Variants in EMC8 observed in about 807,000 individuals in gnomAD.
EMC8 encodes ER membrane protein complex subunit 8, also known as COX4 neighbor.
A neutral mutation model predicts 24.3 loss-of-function variants in EMC8; 11 were observed. The observed-to-expected ratio is 0.45, with a 90% CI of 0.28 to 0.75. The LOEUF (loss-of-function observed/expected upper bound fraction) is 0.75. Among genes scored for constraint, EMC8 ranks in the 30% least tolerant of loss-of-function variants. The pLI is 0.12. For synonymous variants in EMC8, 145 were observed against 117.7 expected, an observed-to-expected ratio of 1.23 and a Z score of -1.50; for missense variants, 277 against 282.7, an observed-to-expected ratio of 0.98 and a Z score of 0.14.
intron 2 of EMC8, chr16:85,784,329 T>C (rs1211677303): frequency 1.3e-5 from 2 of 152,224 alleles, no homozygotes; most frequent in African/African-American, 4.8e-5. Context: ...TAAAAATACA[T>C]GCATTATTGT....
At position 85,778,950 on chromosome 16, in the gene EMC8, T is replaced by G. The variant is rs942041899; in HGVS notation, c.*758A>C. On this transcript the variant is annotated 3_prime_UTR_variant, in exon 5 of 5. Coordinates refer to ENST00000253457, the MANE Select transcript of EMC8 (RefSeq NM_006067.5). ...TGCACAACTCGGGAAGTCTAAGTCT[T>G]GTTTTTCCTAATACAAAAGAAACGA... 1 of 152,234 alleles carries G rather than the reference T, an allele frequency of 6.6e-6. No homozygotes were observed. The highest frequency in any genetic ancestry group is 1.5e-5 in the Non-Finnish European group (1 of 68,044). The allele number at this position is 152,234 out of a possible 1,614,324, so 9.4% of individuals were successfully genotyped here.
chr16:85,795,459 G>A (rs4843822), intron 1 of EMC8, among the ~76,000 whole-genome samples: 103,319 of 151,990 alleles, frequency 0.68, 36,212 homozygotes, highest in Non-Finnish European at 0.76. Context: ...TGCCAGGTGC[G>A]TGAGCCTCAG....
Position 85,799,393 on chromosome 16 carries a change from C to T in EMC8, c.-98G>A. 3 of 721,662 alleles carry T rather than the reference C, an allele frequency of 4.2e-6. No homozygotes were observed. Among genetic ancestry groups the T allele is most frequent in the Non-Finnish European group, 6.1e-6 (3 of 495,340 alleles). The allele number at this position is 721,662 out of a possible 1,614,324, so 44.7% of individuals were successfully genotyped here. A position where few individuals can be genotyped will look rare whatever the true frequency, so the allele number is the denominator to read the frequency against. ...GCCTCAGCCGAGAAGCGGGACGAGGCGGCGGCGATTGATGGCGCGGCCGCG... is the reference window on the plus strand; with the variant it reads ...GCCTCAGCCGAGAAGCGGGACGAGGTGGCGGCGATTGATGGCGCGGCCGCG... On this transcript the variant is annotated 5_prime_UTR_variant, in exon 1 of 5. Transcript: ENST00000253457. The surrounding 1 kb of genome is among the most constrained non-coding windows in gnomAD (Gnocchi z 4.2).
At position 85,788,013 on chromosome 16, in the gene EMC8, C is replaced by G. The variant is rs559812828; in HGVS notation, c.308+961G>C. Reference sequence around the variant, plus strand: ...CAACGGCAGGGCCCTTCACTGCACCCCCATCTCCCTGGACACTGGAGGGTC... The same window carrying G: ...CAACGGCAGGGCCCTTCACTGCACCGCCATCTCCCTGGACACTGGAGGGTC... On this transcript the variant is annotated intron_variant, in intron 2 of 4. Transcript: ENST00000253457. 8.0e-4 allele frequency among the ~76,000 whole-genome samples: 122 copies of G among 152,330 alleles called. 1 individual carries two copies. Among genetic ancestry groups the G allele is most frequent in the Middle Eastern group, 6.8e-3 (2 of 294 alleles).
chr16:85,782,084 A>G (rs1904531835), intron 2 of EMC8, among the ~76,000 whole-genome samples: 1 of 152,226 alleles, frequency 6.6e-6, no homozygotes. Flanking sequence ...CCAGGAAGCC[A>G]GTGGAGAGTC....
intron 1 of EMC8, among the ~76,000 whole-genome samples, chr16:85,790,878 G>A (rs933764703): frequency 6.6e-6 from 1 of 151,980 alleles, no homozygotes. Flanking sequence ...CCGGGCTGGA[G>A]AGCAGTGGTG....
At chr16:85,788,332 C>G (rs912778453) in intron 2 of EMC8, among the ~76,000 whole-genome samples, 1 of 152,258 alleles carries the variant, frequency 6.6e-6, no homozygotes, top group African/African-American at 2.4e-5. Context: ...GTTTACAGCA[C>G]GACCCCCTGT....
rs997120044 is a variant in EMC8, at chr16:85,799,543, G to A, written c.-248C>T. 1.3e-5 allele frequency: 5 copies of A among 375,466 alleles called. No individual in the cohort carries two copies. Among genetic ancestry groups the A allele is most frequent in the African/African-American group, 6.3e-5 (3 of 47,398 alleles). 23.3% of individuals were successfully genotyped at this position (375,466 alleles called of 1,614,324 possible). A position where few individuals can be genotyped will look rare whatever the true frequency, so the allele number is the denominator to read the frequency against. On this transcript the variant is annotated 5_prime_UTR_variant, in exon 1 of 5. Transcript: ENST00000253457. This position sits in a 1 kb window ranked among gnomAD's most constrained non-coding sequence, Gnocchi z 4.2. ...GCTTCTCGCCCGGCGCCGCCGGAAA[G>A]CAGCCTCTCCAACGCCTGCCGGAAA...
At chr16:85,786,211 T>A (rs988108210) in intron 2 of EMC8, among the ~76,000 whole-genome samples, 8 of 152,224 alleles carry the variant, frequency 5.3e-5, no homozygotes, top group African/African-American at 1.9e-4. Flanking sequence ...AGGAGGTTAA[T>A]CAGTAAGTCA....
At chr16:85,780,551 C>A in intron 3 of EMC8, 78 bp from the exon 4 acceptor site, 2 of 1,042,072 alleles carry the variant, frequency 1.9e-6, no homozygotes, top group Admixed American at 2.0e-5. Context: ...TCGGGGCTCT[C>A]CCTGCAGCCG....
Position 85,798,255 on chromosome 16 carries a change from G to C in EMC8, c.231+810C>G, listed in dbSNP as rs572265084. ...TCTTGCCTCAGCCTCCCGAGTGGCT[G>C]GGATGACAGGCGCCCGCCACCACGC... On this transcript the variant is annotated intron_variant, in intron 1 of 4. Transcript: ENST00000253457. 4.6e-3 allele frequency among the ~76,000 whole-genome samples: 700 copies of C among 151,700 alleles called. 6 individuals carry two copies. Among genetic ancestry groups the C allele is most frequent in the African/African-American group, 0.016 (677 of 41,316 alleles).
intron 1 of EMC8, among the ~76,000 whole-genome samples, chr16:85,795,521 C>G (rs995787146): frequency 1.4e-5 from 2 of 144,384 alleles, no homozygotes; most frequent in Non-Finnish European, 3.0e-5. Context: ...ACTGTTCCCT[C>G]TCCGCCTTTC....
At chr16:85,780,114 A>C (rs1228694530) in intron 4 of EMC8, 1 of 600,266 alleles carries the variant, frequency 1.7e-6, no homozygotes, top group African/African-American at 1.9e-5. Flanking sequence ...AAGCTTTCTG[A>C]GTGGCCACAG....
At chr16:85,781,873 T>C (rs1904521220) in intron 2 of EMC8, 1 of 152,992 alleles carries the variant, frequency 6.5e-6, no homozygotes. Flanking sequence ...CTTTGTGATC[T>C]TGGTATTTTC....
Position 85,783,891 on chromosome 16 carries a change from T to G in EMC8, c.309-2611A>C, listed in dbSNP as rs1041675817. On this transcript the variant is annotated intron_variant, in intron 2 of 4. Transcript: ENST00000253457. Reference sequence around the variant, plus strand: ...TTCTGAGGATTTATTTCTAAGAGGCTCTAACACAGAGTCCATGGCACGTGC... The same window carrying G: ...TTCTGAGGATTTATTTCTAAGAGGCGCTAACACAGAGTCCATGGCACGTGC... Among the ~76,000 whole-genome samples, 3 of 152,186 alleles carry G rather than the reference T, an allele frequency of 2.0e-5. 1 individual carries two copies. Among genetic ancestry groups the G allele is most frequent in the Admixed American group, 2.0e-4 (3 of 15,280 alleles).
chr16:85,794,265 C>G (rs1307223270), intron 1 of EMC8, among the ~76,000 whole-genome samples: 1 of 152,182 alleles, frequency 6.6e-6, no homozygotes, highest in Non-Finnish European at 1.5e-5. Flanking sequence ...AACTGAAGTA[C>G]AAAATTTGTG....
At chr16:85,792,305 A>G (rs1394951686) in intron 1 of EMC8, 8 of 152,212 alleles carry the variant, frequency 5.3e-5, no homozygotes, top group Non-Finnish European at 1.2e-4. Context: ...ATGACCTGGA[A>G]CTTTAAGTAG....
chr16:85,791,262 C>T (rs79425305), intron 1 of EMC8, among the ~76,000 whole-genome samples: 5 of 152,060 alleles, frequency 3.3e-5, no homozygotes, highest in African/African-American at 1.2e-4. Context: ...TCCCTAATTT[C>T]TTCCATTTCT....
intron 1 of EMC8, chr16:85,798,829 C>A: frequency 2.1e-6 from 1 of 480,934 alleles, no homozygotes; most frequent in East Asian, 3.3e-5. Context: ...TAACTCGTCG[C>A]CTTAAAGTGC....
Sources: allele counts gnomAD v4.1 joint callset (sites outside exome capture counted in the v4.1 genomes callset), GRCh38; gene constraint gnomAD v4.1.1; non-coding constraint Gnocchi (gnomAD v3.1); transcripts MANE v1.5; gene names NCBI Gene and HGNC (gene_info 2026-07-23, HGNC 2026-07-21).